The following RUNX3 variants were observed in gnomAD, a reference collection of about 807,000 sequenced individuals.
RUNX3 encodes RUNX family transcription factor 3.
RUNX3 carries 10 observed loss-of-function variants against 27.7 expected under a neutral mutation model. The observed-to-expected ratio is 0.36, with a 90% confidence interval of 0.22 to 0.61. The LOEUF (loss-of-function observed/expected upper bound fraction) is 0.61. Among genes scored for constraint, RUNX3 ranks in the 20% least tolerant of loss-of-function variants. The probability of loss-of-function intolerance (pLI) is 0.72; values close to 1 mark genes in which losing one functional copy is unlikely to be tolerated. For missense variants in RUNX3, 469 were observed against 629.5 expected (o/e 0.75, Z 2.73); for synonymous variants, 270 against 269.2 (o/e 1.00, Z -0.03).
chr1:24,909,830 C>A (rs1453526667), intron 3 of RUNX3, among the ~76,000 whole-genome samples: 1 of 152,226 alleles, frequency 6.6e-6, no homozygotes, highest in Non-Finnish European at 1.5e-5. Context: ...AACACGGTCA[C>A]GGCCATTCTA....
At chr1:24,954,399 T>A (rs980967459) in intron 2 of RUNX3, among the ~76,000 whole-genome samples, 2 of 152,120 alleles carry the variant, frequency 1.3e-5, no homozygotes, top group Non-Finnish European at 2.9e-5. Flanking sequence ...TTTAACACTG[T>A]GGATTCATAA....
rs144114262 is a variant in RUNX3, at chr1:24,923,859, C to T, written c.439+3715G>A. On this transcript the variant is annotated intron_variant, in intron 2 of 4. Coordinates refer to ENST00000308873, the MANE Select transcript of RUNX3 (RefSeq NM_004350.3). The surrounding 1 kb of genome is among the most constrained non-coding windows in gnomAD (Gnocchi z 5.9). ...GCTTTTTAACCAGTTGATCACAGCT[C>T]GAGAGCTCATGTGCTTTTCATTTTC... is the stretch of plus-strand genomic sequence containing the variant. Among the ~76,000 whole-genome samples, 9 of 152,294 alleles carry T rather than the reference C, an allele frequency of 5.9e-5. No individual in the cohort carries two copies. Among genetic ancestry groups the T allele is most frequent in the Non-Finnish European group, 1.2e-4 (8 of 68,034 alleles).
chr1:24,950,560 G>C (rs992761979), intron 2 of RUNX3, among the ~76,000 whole-genome samples: 1 of 152,220 alleles, frequency 6.6e-6, no homozygotes, highest in Non-Finnish European at 1.5e-5. Context: ...CAGGAGGTGG[G>C]GGGGCCAGGT....
intron 3 of RUNX3, among the ~76,000 whole-genome samples, chr1:24,917,031 C>T (rs1640903145): frequency 6.6e-6 from 1 of 152,220 alleles, no homozygotes; most frequent in Non-Finnish European, 1.5e-5. Context: ...AGTCTCCATG[C>T]TCATCCAGGG....
intron 2 of RUNX3, among the ~76,000 whole-genome samples, chr1:24,946,701 T>G (rs1641617017): frequency 6.6e-6 from 1 of 152,110 alleles, no homozygotes; most frequent in Admixed American, 6.5e-5. Flanking sequence ...TAGGACAGAT[T>G]CTGGGACTGG....
At chr1:24,935,434 C>G (rs1641325652) in intron 2 of RUNX3, among the ~76,000 whole-genome samples, 1 of 152,236 alleles carries the variant, frequency 6.6e-6, no homozygotes, top group Non-Finnish European at 1.5e-5. Context: ...GTCCACATGA[C>G]CTCGGATCCT....
At chr1:24,907,735 A>C (rs1480652852) in intron 3 of RUNX3, among the ~76,000 whole-genome samples, 2 of 150,496 alleles carry the variant, frequency 1.3e-5, no homozygotes, top group Non-Finnish European at 3.0e-5. Flanking sequence ...AACCTCTACA[A>C]CACACTGTGA....
At chr1:24,908,466 C>G (rs939661997) in intron 3 of RUNX3, among the ~76,000 whole-genome samples, 1 of 151,490 alleles carries the variant, frequency 6.6e-6, no homozygotes, top group African/African-American at 2.4e-5. Flanking sequence ...GGGCAACTAT[C>G]GAGACCCCTG....
intron 2 of RUNX3, among the ~76,000 whole-genome samples, chr1:24,938,935 C>T (rs1414044061): frequency 3.3e-5 from 5 of 152,102 alleles, no homozygotes; most frequent in Non-Finnish European, 7.3e-5. Flanking sequence ...TAAATTATCC[C>T]GTCTCAGGTA....
rs571845420 is a variant in RUNX3 at position 24,905,152 on chromosome 1, C to T, written c.703+2107G>A. The stretch of plus-strand genomic sequence containing the variant: ...ACCGAGGGAAGTGGTGGTGGGGTGT[C>T]CCAAGGGGGATCCCCAGGAGGGAGT... On this transcript the variant is annotated intron_variant, in intron 4 of 4. Transcript: ENST00000308873. 9.2e-5 allele frequency among the ~76,000 whole-genome samples: 14 copies of T among 152,208 alleles called. No homozygotes were observed. In the East Asian group the frequency reaches 2.7e-3, roughly 29 times the overall value.
At chr1:24,906,026 C>A (rs1640658777) in intron 4 of RUNX3, among the ~76,000 whole-genome samples, 1 of 152,232 alleles carries the variant, frequency 6.6e-6, no homozygotes, top group Admixed American at 6.5e-5. Flanking sequence ...GGCCAAAAGT[C>A]CTGAGCCCAG....
At chr1:24,929,101 A>C (rs750065175) in intron 1 of RUNX3, 21 of 459,264 alleles carry the variant, frequency 4.6e-5, no homozygotes, top group Non-Finnish European at 8.7e-6. Context: ...ATCCCGGCCT[A>C]GCGCCGTCCG....
At chr1:24,910,066 C>T (rs1048780271) in intron 3 of RUNX3, among the ~76,000 whole-genome samples, 11 of 152,132 alleles carry the variant, frequency 7.2e-5, no homozygotes, top group African/African-American at 2.2e-4. Context: ...GGGCGGATCA[C>T]CTGAGTGAGG....
chr1:24,905,862 G>A (rs191829286), intron 4 of RUNX3, among the ~76,000 whole-genome samples: 10 of 152,358 alleles, frequency 6.6e-5, no homozygotes, highest in African/African-American at 1.9e-4. Context: ...AGGGGTGGGC[G>A]TGAGCACAGC....
chr1:24,924,428 G>GT (rs34349689), intron 2 of RUNX3, among the ~76,000 whole-genome samples: 72,118 of 151,070 alleles, frequency 0.48, 18,295 homozygotes, highest in South Asian at 0.57. Flanking sequence ...TAAAACAAGG[G>GT]TTTTTTTTGT....
Position 24,927,516 on chromosome 1 carries a change from T to C in RUNX3, c.439+58A>G. On this transcript the variant is annotated intron_variant, in intron 2 of 4. Transcript: ENST00000308873. The surrounding 1 kb of genome is among the most constrained non-coding windows in gnomAD (Gnocchi z 5.0). Reference sequence around the variant, plus strand: ...TTCTAAGGCCCCTCTTTCAACCTCCTTCCCTGCTGCCCCTGCCATTGCCAA... The same window carrying C: ...TTCTAAGGCCCCTCTTTCAACCTCCCTCCCTGCTGCCCCTGCCATTGCCAA... 6.3e-7 allele frequency: 1 copy of C among 1,579,228 alleles called. No homozygotes were observed. The highest frequency in any genetic ancestry group is 1.7e-5 in the Admixed American group (1 of 59,884).
chr1:24,921,808 C>A (rs1205953530), intron 2 of RUNX3, among the ~76,000 whole-genome samples: 1 of 152,186 alleles, frequency 6.6e-6, no homozygotes, highest in African/African-American at 2.4e-5. Flanking sequence ...ACTGGAGACA[C>A]GGAGGACTAA....
chr1:24,903,182 T>C (rs1257549075), intron 4 of RUNX3, among the ~76,000 whole-genome samples: 1 of 152,192 alleles, frequency 6.6e-6, no homozygotes, highest in South Asian at 2.1e-4. Flanking sequence ...AGAGCAAGAC[T>C]GAGTCTCTGT....
intron 2 of RUNX3, among the ~76,000 whole-genome samples, chr1:24,926,469 T>TAAACAGTTATTACATGC (rs1641102033): frequency 6.6e-6 from 1 of 152,196 alleles, no homozygotes; most frequent in Admixed American, 6.5e-5. Flanking sequence ...AAGTAACAAG[T>TAAACAGTTATTACATGC]AAACAGTTAT....
Sources: gnomAD v4.1 joint callset for allele counts (sites outside exome capture counted in the v4.1 genomes callset) on GRCh38, gnomAD v4.1.1 for gene constraint, Gnocchi (gnomAD v3.1) non-coding constraint, MANE v1.5 for transcripts, NCBI Gene and HGNC (gene_info 2026-07-23, HGNC 2026-07-21) for gene names.